PJA2: variants seen among roughly 807,000 people sequenced by gnomAD.
PJA2 encodes the protein E3 ubiquitin-protein ligase Praja-2.
Under a neutral mutation model 69.3 loss-of-function variants are expected in PJA2, and 25 were observed. The ratio of observed to expected loss-of-function variants is 0.36; its 90% CI spans 0.26 to 0.50. The LOEUF is 0.50. Ranked by LOEUF, PJA2 falls within the 20% of genes least tolerant of loss-of-function variation. PJA2 has a pLI of 0.96. For missense variants in PJA2, 809 were observed against 830.2 expected (o/e 0.97, Z 0.31); for synonymous variants, 308 against 277.8 (o/e 1.11, Z -1.08).
At chr5:109,356,629 A>T (rs943822684) in intron 6 of PJA2, among the ~76,000 whole-genome samples, 9 of 152,180 alleles carry the variant, frequency 5.9e-5, no homozygotes, top group Non-Finnish European at 1.0e-4. Flanking sequence ...ATCCGCATGT[A>T]GGTGAGAATA....
chr5:109,353,486 AT>A (rs1180100607), intron 7 of PJA2, among the ~76,000 whole-genome samples: 50 of 96,806 alleles, frequency 5.2e-4, no homozygotes, highest in East Asian at 3.6e-3. Context: ...TATCTAATAT[AT>A]TAGATATCTA....
chr5:109,357,879 A>G lies in PJA2; in HGVS notation c.1653-1853T>C, dbSNP rs115050860. Among the ~76,000 whole-genome samples, 981 of 152,322 alleles carry G rather than the reference A, an allele frequency of 6.4e-3. 8 individuals are homozygous for G. The highest frequency in any genetic ancestry group is 0.022 in the African/African-American group (927 of 41,566). Reference sequence around the variant, plus strand: ...AACGATTGAAGACAACTATCTCCCAATGATTCTTTTCTTCTCCAGGCTGAG... The same window carrying G: ...AACGATTGAAGACAACTATCTCCCAGTGATTCTTTTCTTCTCCAGGCTGAG... On this transcript the variant is annotated intron_variant, in intron 6 of 9. Coordinates refer to ENST00000361189, the MANE Select transcript of PJA2 (RefSeq NM_014819.5).
Position 109,362,864 on chromosome 5 carries a change from C to A in PJA2, c.1628G>T (p.Ser543Ile). The change falls in exon 6 of 10, where the codon AGT becomes ATT. Residue 543 changes from serine (S) to isoleucine (I), a missense_variant. Coordinates refer to ENST00000361189, the MANE Select transcript of PJA2 (RefSeq NM_014819.5). ...NNNLEDDSSV[S>I]EDLDVDWSLF... ...CCTCCAATCCACATCTAAGTCTTCA[C>A]TCACACTGGAGTCATCCTCCAGGTT... 1 of 1,610,608 alleles carries A rather than the reference C, an allele frequency of 6.2e-7. No homozygotes were observed. The highest frequency in any genetic ancestry group is 8.5e-7 in the Non-Finnish European group (1 of 1,177,600).
intron 7 of PJA2, among the ~76,000 whole-genome samples, chr5:109,351,412 T>A (rs1762249671): frequency 6.6e-6 from 1 of 152,110 alleles, no homozygotes; most frequent in Non-Finnish European, 1.5e-5. Flanking sequence ...CCAAAATTCA[T>A]AATTTATTTT....
intron 7 of PJA2, among the ~76,000 whole-genome samples, chr5:109,345,841 T>C (rs1762165880): frequency 6.6e-6 from 1 of 152,216 alleles, no homozygotes; most frequent in African/African-American, 2.4e-5. Context: ...TTCAAATATC[T>C]GTGTCAAATT....
At chr5:109,346,558 G>C (rs1215098070) in intron 7 of PJA2, among the ~76,000 whole-genome samples, 1 of 152,210 alleles carries the variant, frequency 6.6e-6, no homozygotes, top group Non-Finnish European at 1.5e-5. Flanking sequence ...TACACATACA[G>C]TGAAATATTA....
intron 7 of PJA2, among the ~76,000 whole-genome samples, chr5:109,351,177 G>A (rs1427187821): frequency 6.6e-6 from 1 of 151,400 alleles, no homozygotes; most frequent in Non-Finnish European, 1.5e-5. Context: ...TGTGATTCTG[G>A]GCAAATATCT....
At chr5:109,400,433 G>A (rs1233062014) in intron 1 of PJA2, among the ~76,000 whole-genome samples, 1 of 139,398 alleles carries the variant, frequency 7.2e-6, no homozygotes, top group Admixed American at 7.4e-5. Context: ...CATTAAATGA[G>A]CTGCCATGAG....
At chr5:109,351,175 TG>T (rs1762244444) in intron 7 of PJA2, among the ~76,000 whole-genome samples, 1 of 151,932 alleles carries the variant, frequency 6.6e-6, no homozygotes, top group African/African-American at 2.4e-5. Context: ...GATGTGATTC[TG>T]GGCAAATATC....
intron 1 of PJA2, among the ~76,000 whole-genome samples, chr5:109,401,801 A>G (rs548302138): frequency 2.8e-4 from 42 of 152,236 alleles, no homozygotes; most frequent in Non-Finnish European, 5.7e-4. Context: ...CAGAAAATCA[A>G]TTTTAATTTA....
rs901896023 is a variant in PJA2, at chr5:109,336,527, C to T, written c.*704G>A. 6.6e-6 allele frequency: 1 copy of T among 151,880 alleles called. No individual in the cohort carries two copies. The highest frequency in any genetic ancestry group is 1.5e-5 in the Non-Finnish European group (1 of 67,970). The allele number at this position is 151,880 out of a possible 1,614,324, so 9.4% of individuals were successfully genotyped here. On this transcript the variant is annotated 3_prime_UTR_variant, in exon 10 of 10. Coordinates refer to ENST00000361189, the MANE Select transcript of PJA2 (RefSeq NM_014819.5). The stretch of plus-strand genomic sequence containing the variant: ...TCTAATTCAGCTCATTGTACCAAGC[C>T]CTGAGCACACTAGATTCTTTGTATG...
intron 6 of PJA2, among the ~76,000 whole-genome samples, chr5:109,358,552 G>C (rs184114003): frequency 6.6e-6 from 1 of 152,134 alleles, no homozygotes; most frequent in Admixed American, 6.5e-5. Context: ...CCAGCCAAGC[G>C]GGTCTCAGCA....
chr5:109,337,682 T>C (rs575735412), intron 9 of PJA2, among the ~76,000 whole-genome samples: 6 of 152,148 alleles, frequency 3.9e-5, no homozygotes, highest in Non-Finnish European at 7.4e-5. Context: ...CAAAGAATCA[T>C]GGCACATGTC....
chr5:109,348,777 T>C (rs1258367759), intron 7 of PJA2, among the ~76,000 whole-genome samples: 1 of 152,154 alleles, frequency 6.6e-6, no homozygotes, highest in Non-Finnish European at 1.5e-5. Context: ...GCAGGGAAAA[T>C]ATGACTGGGT....
rs1319688207 is a variant in PJA2 at position 109,381,710 on chromosome 5, A to G, written c.32-7T>C. ...CCAGATTCTTGGTCCATTGCTGAAA[A>G]AAAAGTTAAAAAATTAAAACAGGAA... is the stretch of plus-strand genomic sequence containing the variant. On this transcript the variant is annotated splice_region_variant and splice_polypyrimidine_tract_variant and intron_variant, in intron 2 of 9. Coordinates refer to ENST00000361189, the MANE Select transcript of PJA2 (RefSeq NM_014819.5). 10 of 1,612,102 alleles carry G rather than the reference A, an allele frequency of 6.2e-6. No individual in the cohort carries two copies. The highest frequency in any genetic ancestry group is 1.7e-5 in the Admixed American group (1 of 59,928).
intron 7 of PJA2, among the ~76,000 whole-genome samples, chr5:109,351,256 G>C (rs77742541): frequency 1.3e-5 from 2 of 151,446 alleles, no homozygotes; most frequent in Non-Finnish European, 3.0e-5. Context: ...GGTGAACAAC[G>C]TTTTTCAACC....
chr5:109,403,058 T>TA (rs917934549), intron 1 of PJA2, among the ~76,000 whole-genome samples: 22 of 148,648 alleles, frequency 1.5e-4, no homozygotes, highest in Admixed American at 6.7e-4. Context: ...AACTAACAAT[T>TA]AAAAAAAAAG....
At chr5:109,401,194 G>C (rs1322737888) in intron 1 of PJA2, among the ~76,000 whole-genome samples, 3 of 151,994 alleles carry the variant, frequency 2.0e-5, no homozygotes, top group Non-Finnish European at 2.9e-5. Context: ...TGAGGCATGA[G>C]AATCACTTGA....
intron 9 of PJA2, among the ~76,000 whole-genome samples, chr5:109,340,659 CCCCTCCCCCTCCCTCT>C (rs1762033022): frequency 1.8e-4 from 1 of 5,638 alleles, no homozygotes; most frequent in African/African-American, 7.7e-4. Context: ...CCTCCCCCTC[CCCCTCCCCCTCCCTCT>C]CCCCACGGTC....
Sources: allele counts gnomAD v4.1 joint callset (sites outside exome capture counted in the v4.1 genomes callset), GRCh38; gene constraint gnomAD v4.1.1; transcripts MANE v1.5; gene names NCBI Gene and HGNC (gene_info 2026-07-23, HGNC 2026-07-21).